Variants in CLSTN2 observed in about 807,000 individuals in gnomAD.
CLSTN2 encodes the protein calsyntenin 2, also known as calsyntenin-2.
In CLSTN2, 48 loss-of-function variants were observed where a neutral mutation model predicts 101.2. The observed-to-expected ratio is 0.47, with a 90% CI of 0.38 to 0.60. CLSTN2 has a LOEUF of 0.60. Among genes scored for constraint, CLSTN2 ranks in the 20% least tolerant of loss-of-function variants. CLSTN2 has a pLI of 0.00. For missense variants in CLSTN2, 1,160 were observed against 1,238.2 expected (o/e 0.94, Z 0.95); for synonymous variants, 481 against 463.6 (o/e 1.04, Z -0.48).
chr3:140,225,390 G>A (rs2086309032), intron 2 of CLSTN2, among the ~76,000 whole-genome samples: 1 of 152,156 alleles, frequency 6.6e-6, no homozygotes, highest in South Asian at 2.1e-4. Flanking sequence ...TCTCTTGCTT[G>A]TTTAATTGCC....
In CLSTN2 at chr3:140,411,405, G is replaced by A. The variant is rs368229590; in HGVS notation, c.637+6639G>A. ...AATTGTAAGTGCATATGTACCCAAC[G>A]CTAGAGCGTGTAAATATATAAAGTA... On this transcript the variant is annotated intron_variant, in intron 4 of 16. Coordinates refer to ENST00000458420, the MANE Select transcript of CLSTN2 (RefSeq NM_022131.3). Among the ~76,000 whole-genome samples, 351 of 152,354 alleles carry A rather than the reference G, an allele frequency of 2.3e-3. 1 individual carries two copies. Among genetic ancestry groups the A allele is most frequent in the African/African-American group, 7.6e-3 (318 of 41,590 alleles).
intron 1 of CLSTN2, among the ~76,000 whole-genome samples, chr3:140,107,167 A>G (rs12630269): frequency 0.28 from 43,201 of 152,014 alleles, 6,520 homozygotes; most frequent in East Asian, 0.52. Flanking sequence ...GAGCTTCTAT[A>G]ATAATATCCT....
At chr3:140,361,554 T>C (rs920021705) in intron 2 of CLSTN2, among the ~76,000 whole-genome samples, 10 of 152,132 alleles carry the variant, frequency 6.6e-5, no homozygotes, top group Admixed American at 3.3e-4. Flanking sequence ...TCTTTATGCA[T>C]AGAGAACGTG....
At chr3:140,082,574 A>T (rs1162076787) in intron 1 of CLSTN2, among the ~76,000 whole-genome samples, 1 of 152,162 alleles carries the variant, frequency 6.6e-6, no homozygotes, top group African/African-American at 2.4e-5. Flanking sequence ...CTCTGACTAC[A>T]GTCTAATGCT....
intron 8 of CLSTN2, among the ~76,000 whole-genome samples, chr3:140,511,623 C>T (rs1197697051): frequency 2.1e-5 from 3 of 144,482 alleles, no homozygotes; most frequent in Non-Finnish European, 3.0e-5. Flanking sequence ...AATCTCAGCT[C>T]ACTGCAAGCT....
intron 8 of CLSTN2, among the ~76,000 whole-genome samples, chr3:140,503,108 G>A (rs1263343187): frequency 6.6e-6 from 1 of 152,116 alleles, no homozygotes; most frequent in East Asian, 1.9e-4. Context: ...ATCACATCAT[G>A]TCTGGCTCTC....
intron 1 of CLSTN2, among the ~76,000 whole-genome samples, chr3:140,018,322 A>G (rs1295281374): frequency 6.6e-6 from 1 of 152,122 alleles, no homozygotes; most frequent in Non-Finnish European, 1.5e-5. Flanking sequence ...TGGAGGGGAG[A>G]CATTTTGCCA....
chr3:140,356,030 T>C (rs2087667069), intron 2 of CLSTN2, among the ~76,000 whole-genome samples: 1 of 152,244 alleles, frequency 6.6e-6, no homozygotes, highest in South Asian at 2.1e-4. Context: ...CTTCCAGAAA[T>C]CTTCCAGGGT....
At chr3:140,171,166 G>T (rs1018376326) in intron 1 of CLSTN2, among the ~76,000 whole-genome samples, 3 of 152,090 alleles carry the variant, frequency 2.0e-5, no homozygotes, top group Admixed American at 2.0e-4. Flanking sequence ...AGGAGTGTGG[G>T]GACAGCCCAG....
intron 1 of CLSTN2, among the ~76,000 whole-genome samples, chr3:139,959,362 G>A (rs143534578): frequency 6.6e-6 from 1 of 152,112 alleles, no homozygotes; most frequent in Admixed American, 6.5e-5. Context: ...TCTCTTTGAG[G>A]TACATAGTGT....
At chr3:140,299,878 A>G (rs1423692625) in intron 2 of CLSTN2, among the ~76,000 whole-genome samples, 1 of 152,170 alleles carries the variant, frequency 6.6e-6, no homozygotes, top group African/African-American at 2.4e-5. Flanking sequence ...TGCACGTTGG[A>G]GCTCTCAGTG....
At chr3:140,043,759 T>C (rs58929410) in intron 1 of CLSTN2, among the ~76,000 whole-genome samples, 20,413 of 152,032 alleles carry the variant, frequency 0.13, 1,937 homozygotes, top group African/African-American at 0.26. Context: ...CCAGTTTTCC[T>C]AGCACCATTT....
intron 1 of CLSTN2, among the ~76,000 whole-genome samples, chr3:140,012,838 C>T (rs1030717405): frequency 5.3e-5 from 8 of 152,088 alleles, no homozygotes; most frequent in Non-Finnish European, 1.2e-4. Context: ...GCAGGAGGGA[C>T]TTTAGAGGGA....
chr3:140,554,323 C>G (rs543000412), intron 10 of CLSTN2, among the ~76,000 whole-genome samples: 3 of 152,194 alleles, frequency 2.0e-5, no homozygotes, highest in South Asian at 4.2e-4. Context: ...CTGTTTCAGT[C>G]CAGACACAGA....
chr3:140,274,370 CA>C (rs1366552808), intron 2 of CLSTN2, among the ~76,000 whole-genome samples: 1 of 152,192 alleles, frequency 6.6e-6, no homozygotes, highest in African/African-American at 2.4e-5. Context: ...ACCAGCTCCC[CA>C]AAATCTGATG....
At chr3:140,408,937 C>T (rs977184969) in intron 4 of CLSTN2, among the ~76,000 whole-genome samples, 4 of 152,234 alleles carry the variant, frequency 2.6e-5, no homozygotes, top group African/African-American at 9.6e-5. Context: ...AGCCCTGGCT[C>T]CTATCGCTGT....
chr3:140,354,734 G>T (rs2087649773), intron 2 of CLSTN2, among the ~76,000 whole-genome samples: 1 of 152,118 alleles, frequency 6.6e-6, no homozygotes, highest in Non-Finnish European at 1.5e-5. Flanking sequence ...AATCAAGCAT[G>T]AAAAAAGTAA....
At chr3:140,426,166 G>A (rs1411702493) in intron 5 of CLSTN2, among the ~76,000 whole-genome samples, 2 of 152,274 alleles carry the variant, frequency 1.3e-5, no homozygotes, top group East Asian at 3.9e-4. Flanking sequence ...TGCAGGACAT[G>A]CAGGTTTGTT....
intron 2 of CLSTN2, among the ~76,000 whole-genome samples, chr3:140,274,172 A>T (rs1025837180): frequency 6.6e-6 from 1 of 152,042 alleles, no homozygotes; most frequent in Non-Finnish European, 1.5e-5. Context: ...TGTGCCCCTC[A>T]TGGGAGGGTC....
Sources: gnomAD v4.1 joint callset for allele counts (sites outside exome capture counted in the v4.1 genomes callset) on GRCh38, gnomAD v4.1.1 for gene constraint, MANE v1.5 for transcripts, NCBI Gene and HGNC (gene_info 2026-07-23, HGNC 2026-07-21) for gene names.